Variants in AFG1L observed in about 807,000 individuals in gnomAD.
AFG1L encodes the protein AFG1 like ATPase.
Under a neutral mutation model 62.2 loss-of-function variants are expected in AFG1L, and 53 were observed. That is an observed-to-expected ratio of 0.85 (90% CI 0.68 to 1.07). The LOEUF is 1.07. Among genes scored for constraint, AFG1L ranks in the 50% least tolerant of loss-of-function variants. The pLI, the probability that AFG1L is intolerant of heterozygous loss-of-function variation, is 0.00. For synonymous variants in AFG1L, 228 were observed against 210.3 expected (o/e 1.08, Z -0.73); for missense variants, 555 against 590.5 (o/e 0.94, Z 0.62).
intron 11 of AFG1L, among the ~76,000 whole-genome samples, chr6:108,513,866 T>G (rs1166341025): frequency 6.6e-6 from 1 of 152,182 alleles, no homozygotes; most frequent in East Asian, 1.9e-4. Flanking sequence ...CACGCCCCAG[T>G]AGGGGCAGAC....
chr6:108,413,399 G>T lies in AFG1L; in HGVS notation c.807+11345G>T, dbSNP rs138696009. On this transcript the variant is annotated intron_variant, in intron 7 of 12. Coordinates refer to ENST00000368977, the MANE Select transcript of AFG1L (RefSeq NM_145315.5). The stretch of plus-strand genomic sequence containing the variant: ...CAAGGATATCCAGGAACTGAACTCA[G>T]CTCTGCACCAAGCAGACCTAATAGA... Among the ~76,000 whole-genome samples, 505 of 152,270 alleles carry T rather than the reference G, an allele frequency of 3.3e-3. 4 individuals are homozygous for T. The highest frequency in any genetic ancestry group is 0.012 in the African/African-American group (482 of 41,552).
intron 8 of AFG1L, among the ~76,000 whole-genome samples, chr6:108,473,990 G>A (rs1180640968): frequency 1.3e-5 from 2 of 152,092 alleles, no homozygotes; most frequent in Non-Finnish European, 2.9e-5. Flanking sequence ...TAGATATTAA[G>A]CCCCACATGC....
intron 1 of AFG1L, among the ~76,000 whole-genome samples, chr6:108,311,536 CT>C (rs921310508): frequency 6.6e-6 from 1 of 151,232 alleles, no homozygotes; most frequent in Admixed American, 6.6e-5. Context: ...TTTTGTTTTT[CT>C]TTTTTTTGAG....
chr6:108,477,124 T>G, intron 9 of AFG1L, 68 bp from the exon 10 acceptor site: 1 of 1,117,470 alleles, frequency 8.9e-7, no homozygotes, highest in Non-Finnish European at 1.3e-6. Context: ...ATGCATTTCC[T>G]ATCTGTAAGA....
chr6:108,405,261 G>A (rs766250989), intron 7 of AFG1L, among the ~76,000 whole-genome samples: 1 of 152,058 alleles, frequency 6.6e-6, no homozygotes, highest in Non-Finnish European at 1.5e-5. Context: ...ATGGAAGCTG[G>A]CATTTTCATA....
At chr6:108,446,154 T>C (rs1377706885) in intron 7 of AFG1L, among the ~76,000 whole-genome samples, 1 of 150,682 alleles carries the variant, frequency 6.6e-6, no homozygotes, top group Non-Finnish European at 1.5e-5. Context: ...ACCAAGAAGA[T>C]AGGTGTTGCA....
intron 3 of AFG1L, among the ~76,000 whole-genome samples, chr6:108,350,676 AGC>A (rs1779046145): frequency 6.6e-6 from 1 of 152,222 alleles, no homozygotes; most frequent in Non-Finnish European, 1.5e-5. Context: ...CTCACAACAG[AGC>A]CTCAGCTCTT....
chr6:108,494,578 G>A (rs1010455982), intron 10 of AFG1L, among the ~76,000 whole-genome samples: 2 of 151,990 alleles, frequency 1.3e-5, no homozygotes, highest in Admixed American at 6.6e-5. Flanking sequence ...GCACTCCAAA[G>A]AACACCCTGA....
intron 8 of AFG1L, among the ~76,000 whole-genome samples, chr6:108,463,411 T>C (rs1161742113): frequency 5.0e-5 from 1 of 20,144 alleles, no homozygotes; most frequent in African/African-American, 1.7e-3. Context: ...TCTCCCTCCT[T>C]TTTTTTTTTT....
intron 8 of AFG1L, among the ~76,000 whole-genome samples, chr6:108,472,950 G>A (rs1772963519): frequency 6.6e-6 from 1 of 151,610 alleles, no homozygotes; most frequent in Non-Finnish European, 1.5e-5. Flanking sequence ...TCACAGGCAC[G>A]CACCACCATG....
chr6:108,471,468 CTTTTTTT>C (rs56375345), intron 8 of AFG1L, among the ~76,000 whole-genome samples: 9 of 100,350 alleles, frequency 9.0e-5, no homozygotes, highest in African/African-American at 1.1e-4. Context: ...TGTTCTTCTT[CTTTTTTT>C]TTTTTTTTTT....
chr6:108,446,792 C>T (rs373350911), intron 7 of AFG1L, among the ~76,000 whole-genome samples: 3 of 152,114 alleles, frequency 2.0e-5, no homozygotes, highest in African/African-American at 7.2e-5. Context: ...GCGTGAACCA[C>T]CATTGTCCAC....
intron 6 of AFG1L, among the ~76,000 whole-genome samples, chr6:108,385,361 C>T (rs947558374): frequency 2.0e-5 from 3 of 152,332 alleles, no homozygotes; most frequent in East Asian, 3.9e-4. Context: ...GGCGGAAAAC[C>T]GCTTAAGGCG....
chr6:108,461,929 C>T (rs1474099845), intron 8 of AFG1L, among the ~76,000 whole-genome samples: 1 of 151,878 alleles, frequency 6.6e-6, no homozygotes, highest in East Asian at 1.9e-4. Context: ...CCTGTCTCTA[C>T]TAAAAGTACA....
intron 11 of AFG1L, among the ~76,000 whole-genome samples, chr6:108,516,946 G>C (rs1349906484): frequency 6.6e-6 from 1 of 152,022 alleles, no homozygotes; most frequent in African/African-American, 2.4e-5. Context: ...AACTTACAAG[G>C]GATGTGAAGG....
chr6:108,459,164 T>G (rs1419417825), intron 8 of AFG1L, among the ~76,000 whole-genome samples: 2 of 152,204 alleles, frequency 1.3e-5, no homozygotes, highest in Non-Finnish European at 2.9e-5. Flanking sequence ...TGCTTATGCA[T>G]ACACAGTTTA....
intron 2 of AFG1L, among the ~76,000 whole-genome samples, chr6:108,331,250 C>T (rs887898772): frequency 6.6e-6 from 1 of 152,156 alleles, no homozygotes; most frequent in African/African-American, 2.4e-5. Context: ...CGTGCCACTG[C>T]ACTCCAGCCT....
chr6:108,434,853 G>T (rs376184664), intron 7 of AFG1L, among the ~76,000 whole-genome samples: 3 of 152,098 alleles, frequency 2.0e-5, no homozygotes, highest in African/African-American at 4.8e-5. Flanking sequence ...TCCCCAATTC[G>T]CTAAGCTGTC....
At chr6:108,453,964 C>T (rs528500908) in intron 8 of AFG1L, among the ~76,000 whole-genome samples, 2 of 152,310 alleles carry the variant, frequency 1.3e-5, no homozygotes, top group East Asian at 1.9e-4. Context: ...CTTGAAAATG[C>T]TTAAGTCCGG....
Sources: allele counts gnomAD v4.1 joint callset (sites outside exome capture counted in the v4.1 genomes callset), GRCh38; gene constraint gnomAD v4.1.1; transcripts MANE v1.5; gene names NCBI Gene and HGNC (gene_info 2026-07-23, HGNC 2026-07-21).